The following ITPK1 variants were observed in gnomAD, a reference collection of about 807,000 sequenced individuals.
ITPK1 encodes the protein inositol 1,3,4-trisphosphate 5/6-kinase.
ITPK1 carries 21 observed loss-of-function variants against 45.3 expected under a neutral mutation model. That is an observed-to-expected ratio of 0.46 (90% CI 0.33 to 0.67). The LOEUF (loss-of-function observed/expected upper bound fraction) is 0.67, where lower values mean the gene tolerates loss of function less well. ITPK1 is among the 30% of genes least tolerant of loss of function. The pLI is 0.02. For missense variants in ITPK1, 474 were observed against 573.5 expected, an observed-to-expected ratio of 0.83 and a Z score of 1.77; for synonymous variants, 258 against 253.6, an observed-to-expected ratio of 1.02 and a Z score of -0.16.
intron 3 of ITPK1, among the ~76,000 whole-genome samples, chr14:93,048,229 A>G (rs925786212): frequency 2.6e-5 from 4 of 152,248 alleles, no homozygotes; most frequent in Non-Finnish European, 5.9e-5. Flanking sequence ...AGTAACACTC[A>G]AAGCACTGGC....
chr14:93,094,809 C>T (rs1892004377), intron 2 of ITPK1, among the ~76,000 whole-genome samples: 1 of 152,198 alleles, frequency 6.6e-6, no homozygotes, highest in South Asian at 2.1e-4. Flanking sequence ...AGGCTCTCAG[C>T]CCAGGCTTCC....
rs1888100800 is a variant in ITPK1 at position 93,014,960 on chromosome 14, G to A, written c.246+1716C>T. Among the ~76,000 whole-genome samples, 1 of 152,252 alleles carries A rather than the reference G, an allele frequency of 6.6e-6. No homozygotes were observed. On this transcript the variant is annotated intron_variant, in intron 4 of 10. Transcript: ENST00000267615. The surrounding 1 kb of genome is among the most constrained non-coding windows in gnomAD (Gnocchi z 4.4). ...CCCTGCCCCAAAGGTCTGCGTGGCA[G>A]CCCAGGCATGGCTGTGCTCCTCCAG... is the stretch of plus-strand genomic sequence containing the variant.
At chr14:93,068,793 T>C (rs533956494) in intron 3 of ITPK1, 1 of 152,320 alleles carries the variant, frequency 6.6e-6, no homozygotes, top group Admixed American at 6.5e-5. Context: ...ACATTTTTAA[T>C]GCTGAGATGG....
At chr14:93,112,963 T>G (rs1197303863) in intron 2 of ITPK1, among the ~76,000 whole-genome samples, 1 of 152,156 alleles carries the variant, frequency 6.6e-6, no homozygotes, top group Non-Finnish European at 1.5e-5. Context: ...AGTTGCAGCA[T>G]TTTGCAGCCA....
intron 5 of ITPK1, among the ~76,000 whole-genome samples, chr14:92,978,819 A>C (rs1886079644): frequency 6.6e-6 from 1 of 152,156 alleles, no homozygotes; most frequent in Non-Finnish European, 1.5e-5. Context: ...GCAAGGGTGG[A>C]GCCCTCATGG....
At chr14:93,043,743 C>T (rs1889662510) in intron 3 of ITPK1, among the ~76,000 whole-genome samples, 1 of 152,218 alleles carries the variant, frequency 6.6e-6, no homozygotes, top group African/African-American at 2.4e-5. Context: ...TCCAAGCGCA[C>T]GTCATGCCCA....
intron 2 of ITPK1, among the ~76,000 whole-genome samples, chr14:93,091,594 G>C (rs1319107789): frequency 1.3e-5 from 2 of 152,180 alleles, no homozygotes; most frequent in Non-Finnish European, 2.9e-5. Context: ...CTACACCTCG[G>C]TTTTCCGGCC....
intron 2 of ITPK1, among the ~76,000 whole-genome samples, chr14:93,088,664 T>G (rs879720254): frequency 6.6e-6 from 1 of 152,040 alleles, no homozygotes; most frequent in African/African-American, 2.4e-5. Flanking sequence ...CCTCTTTTTT[T>G]ATTTTTTGTA....
chr14:93,029,615 G>A (rs1440175821), intron 3 of ITPK1, among the ~76,000 whole-genome samples: 1 of 152,136 alleles, frequency 6.6e-6, no homozygotes, highest in Non-Finnish European at 1.5e-5. Context: ...AGCCAAGCCG[G>A]CAGGCCACAA....
intron 4 of ITPK1, among the ~76,000 whole-genome samples, chr14:92,994,248 G>A (rs1203497091): frequency 1.3e-5 from 2 of 152,224 alleles, no homozygotes; most frequent in Non-Finnish European, 2.9e-5. Flanking sequence ...CAGGCTCAGG[G>A]CAGGCCGCCT....
chr14:93,095,386 A>C (rs991739336), intron 2 of ITPK1, among the ~76,000 whole-genome samples: 2 of 152,174 alleles, frequency 1.3e-5, no homozygotes, highest in Non-Finnish European at 2.9e-5. Flanking sequence ...AGGCTCAGAG[A>C]AGCTCGCTAA....
At chr14:92,981,905 G>A (rs1434408770) in intron 5 of ITPK1, among the ~76,000 whole-genome samples, 1 of 152,254 alleles carries the variant, frequency 6.6e-6, no homozygotes, top group Non-Finnish European at 1.5e-5. Context: ...CCCAAAGTTG[G>A]AGTTAGTCCT....
At position 92,939,789 on chromosome 14, in the gene ITPK1, T is replaced by G. The variant is rs1887266376; in HGVS notation, c.*1772A>C. The G allele has an allele frequency of 1.0e-6, 1 of 985,676 alleles. No individual in the cohort carries two copies. Among genetic ancestry groups the G allele is most frequent in the Non-Finnish European group, 1.2e-6 (1 of 829,936 alleles). The allele number at this position is 985,676 out of a possible 1,614,324, so 61.1% of individuals were successfully genotyped here. A position where few individuals can be genotyped will look rare whatever the true frequency, so the allele number is the denominator to read the frequency against. On this transcript the variant is annotated 3_prime_UTR_variant, in exon 11 of 11. Transcript: ENST00000267615. ...TTTTATTTTTAAAAGGTAAAGCTGTTTTATTAAACGTCTTTTAAGGACTGG... is the reference window on the plus strand; with the variant it reads ...TTTTATTTTTAAAAGGTAAAGCTGTGTTATTAAACGTCTTTTAAGGACTGG...
chr14:93,010,636 T>G (rs964086039), intron 4 of ITPK1, among the ~76,000 whole-genome samples: 3 of 152,230 alleles, frequency 2.0e-5, no homozygotes, highest in African/African-American at 7.2e-5. Context: ...TCATAATCAC[T>G]GCCTCACTGA....
chr14:92,975,174 T>C (rs866168926), intron 5 of ITPK1, among the ~76,000 whole-genome samples: 49 of 152,354 alleles, frequency 3.2e-4, no homozygotes, highest in African/African-American at 1.1e-3. Flanking sequence ...TCCAGACTCC[T>C]TGCCAGCCTT....
rs1288245729 is a variant in ITPK1 at position 93,102,528 on chromosome 14, T to C, written c.95+12541A>G. On this transcript the variant is annotated intron_variant, in intron 2 of 10. Coordinates refer to ENST00000267615, the MANE Select transcript of ITPK1 (RefSeq NM_014216.6). ...TGGCTCACACCTGTAATCCCAACTCTTTGGGAGGCTGAGGTGGAAGGATCA... is the reference window on the plus strand; with the variant it reads ...TGGCTCACACCTGTAATCCCAACTCCTTGGGAGGCTGAGGTGGAAGGATCA... Among the ~76,000 whole-genome samples, 8 of 152,270 alleles carry C rather than the reference T, an allele frequency of 5.3e-5. No individual in the cohort carries two copies. The East Asian group carries it at 1.2e-3, about 22-fold the overall frequency.
intron 3 of ITPK1, among the ~76,000 whole-genome samples, chr14:93,074,534 C>A (rs1891140154): frequency 6.6e-6 from 1 of 152,192 alleles, no homozygotes; most frequent in Non-Finnish European, 1.5e-5. Context: ...CTGTCTTGCC[C>A]TCTCAGGCAG....
chr14:92,969,485 C>T (rs921601791), intron 5 of ITPK1, among the ~76,000 whole-genome samples: 12 of 152,142 alleles, frequency 7.9e-5, no homozygotes, highest in African/African-American at 1.9e-4. Context: ...AACCTGAGAA[C>T]GCTCCAGCTG....
At chr14:93,111,372 A>G (rs1892746036) in intron 2 of ITPK1, among the ~76,000 whole-genome samples, 2 of 152,096 alleles carry the variant, frequency 1.3e-5, no homozygotes, top group South Asian at 4.1e-4. Context: ...AGTATTTCCA[A>G]CTAACAGCTT....
Sources: allele counts gnomAD v4.1 joint callset (sites outside exome capture counted in the v4.1 genomes callset), GRCh38; gene constraint gnomAD v4.1.1; non-coding constraint Gnocchi (gnomAD v3.1); transcripts MANE v1.5; gene names NCBI Gene and HGNC (gene_info 2026-07-23, HGNC 2026-07-21).